GLB1: variants seen among roughly 807,000 people sequenced by gnomAD.
GLB1 encodes galactosidase beta 1.
In GLB1, 56 loss-of-function variants were observed where a neutral mutation model predicts 74.0. That is an observed-to-expected ratio of 0.76 (90% confidence interval 0.61 to 0.94). GLB1 has a LOEUF of 0.94. Ranked by LOEUF, GLB1 falls within the 40% of genes least tolerant of loss-of-function variation. The pLI is 0.00. For missense variants in GLB1, 787 were observed against 845.5 expected (o/e 0.93, Z 0.86); for synonymous variants, 323 against 323.6 (o/e 1.00, Z 0.02).
rs557296509 is a variant in GLB1 at position 33,080,603 on chromosome 3, G to C, written c.76-7890C>G. On this transcript the variant is annotated intron_variant, in intron 1 of 15. Coordinates refer to ENST00000307363, the MANE Select transcript of GLB1 (RefSeq NM_000404.4). The stretch of plus-strand genomic sequence containing the variant: ...TCAGCCAATGAGGGACAAAGAGGGT[G>C]GAGAACTGCATTCTCTTGTTTTTTA... Among the ~76,000 whole-genome samples, 10 of 152,326 alleles carry C rather than the reference G, an allele frequency of 6.6e-5. No individual in the cohort carries two copies. In the South Asian group the frequency reaches 2.1e-3, roughly 32 times the overall value.
chr3:32,983,323 A>T, the GLB1 span, among the ~76,000 whole-genome samples: 5 of 152,044 alleles, frequency 3.3e-5, no homozygotes, highest in Non-Finnish European at 5.9e-5. Flanking sequence ...TACATTCTAT[A>T]TCATTTCTTC....
chr3:32,964,166 C>A, the GLB1 span, among the ~76,000 whole-genome samples: 1 of 152,148 alleles, frequency 6.6e-6, no homozygotes, highest in Non-Finnish European at 1.5e-5. Flanking sequence ...GGCGAGCAGG[C>A]AGGAAAAAGA....
the GLB1 span, among the ~76,000 whole-genome samples, chr3:32,961,654 C>T: frequency 6.6e-6 from 1 of 152,180 alleles, no homozygotes; most frequent in Admixed American, 6.5e-5. Context: ...GCACATTAAA[C>T]AATGCAAAGA....
chr3:33,072,862 C>G, intron 1 of GLB1, 149 bp from the exon 2 acceptor site: 4 of 1,342,910 alleles, frequency 3.0e-6, no homozygotes, highest in East Asian at 5.1e-5. Context: ...ATCATACAAA[C>G]CATTGCTAAG....
At chr3:33,003,572 A>C (rs193274089) in intron 15 of GLB1, among the ~76,000 whole-genome samples, 8 of 152,378 alleles carry the variant, frequency 5.3e-5, no homozygotes, top group Admixed American at 2.6e-4. Flanking sequence ...ACAGTGAATT[A>C]GACGGAAATA....
At chr3:33,053,647 A>G in intron 6 of GLB1, 98 bp from the exon 7 acceptor site, 1 of 1,513,998 alleles carries the variant, frequency 6.6e-7, no homozygotes. Context: ...AAGCCCTGCT[A>G]CGGTCAGAAT....
intron 12 of GLB1, 128 bp downstream of exon 12, chr3:33,021,437 AT>A (rs1175979397): frequency 8.0e-6 from 8 of 993,976 alleles, no homozygotes; most frequent in Non-Finnish European, 1.1e-5. Context: ...TTCATGGTTC[AT>A]TTACCTGGGA....
chr3:33,075,547 C>G (rs906280395), intron 1 of GLB1, among the ~76,000 whole-genome samples: 2 of 152,184 alleles, frequency 1.3e-5, no homozygotes, highest in Non-Finnish European at 1.5e-5. Flanking sequence ...CAGATGTGGC[C>G]ACAACCCATA....
At chr3:33,087,845 T>C (rs1184661847) in intron 1 of GLB1, among the ~76,000 whole-genome samples, 6 of 149,124 alleles carry the variant, frequency 4.0e-5, no homozygotes, top group African/African-American at 2.5e-5. Flanking sequence ...TGAATATTGA[T>C]GCAAAAATCC....
Position 33,097,078 on chromosome 3 carries a change from C to T in GLB1, c.8G>A (p.Gly3Glu). The T allele has an allele frequency of 6.2e-7, 1 of 1,612,572 alleles. No individual in the cohort carries two copies. Among genetic ancestry groups the T allele is most frequent in the Non-Finnish European group, 8.5e-7 (1 of 1,179,068 alleles). ...CAGAGGGAGGATGCGAACCAGGAAC[C>T]CCGGCATGACCACCAGCCTCCCGGC... MP[G>E]FLVRILPLLL... Residue 3 changes from glycine (G) to glutamate (E), a missense_variant, in exon 1 of 16, where the codon GGG (glycine) becomes GAG (glutamate). By Grantham distance (98) the Gly-to-Glu change is moderately conservative. Transcript: ENST00000307363.
At chr3:33,005,823 A>G (rs1696767241) in intron 15 of GLB1, among the ~76,000 whole-genome samples, 1 of 152,154 alleles carries the variant, frequency 6.6e-6, no homozygotes. Flanking sequence ...GATGCAACAA[A>G]CAGTTAAAAG....
At position 33,088,368 on chromosome 3, in the gene GLB1, TACACACACACACACACAC is replaced by T. The variant is rs55949952; in HGVS notation, c.75+8625_75+8642del. ...CTTAGATGTAGGAAACCCTAAAGACTACACACACACACACACACACACACACACACACACACACACACA... is the reference window on the plus strand; with the variant it reads ...CTTAGATGTAGGAAACCCTAAAGACTACACACACACACACACACACACACA... On this transcript the variant is annotated intron_variant, in intron 1 of 15. Transcript: ENST00000307363. 2.7e-3 allele frequency among the ~76,000 whole-genome samples: 378 copies of T among 141,824 alleles called. 2 individuals are homozygous for T. The highest frequency in any genetic ancestry group is 8.9e-3 in the African/African-American group (339 of 38,000). 93.0% of individuals were successfully genotyped at this position (141,824 alleles called of 152,430 possible).
intron 6 of GLB1, among the ~76,000 whole-genome samples, chr3:33,055,768 GTT>G (rs200229955): frequency 2.1e-5 from 3 of 143,140 alleles, no homozygotes; most frequent in Non-Finnish European, 4.6e-5. Flanking sequence ...CGCTGGGCCC[GTT>G]TTTTTTTTTT....
At chr3:33,081,371 G>C (rs571339839) in intron 1 of GLB1, among the ~76,000 whole-genome samples, 1 of 152,324 alleles carries the variant, frequency 6.6e-6, no homozygotes, top group East Asian at 1.9e-4. Context: ...TCCCTATGCT[G>C]TTGGGAGGAT....
the GLB1 span, among the ~76,000 whole-genome samples, chr3:32,978,411 T>C: frequency 6.6e-6 from 1 of 152,290 alleles, no homozygotes; most frequent in East Asian, 1.9e-4. Context: ...AAATTTCCTG[T>C]TTCAATTGTT....
At chr3:32,986,112 C>T in the GLB1 span, among the ~76,000 whole-genome samples, 2,782 of 152,336 alleles carry the variant, frequency 0.018, 332 homozygotes, top group East Asian at 0.34. Flanking sequence ...TTTCCATGTT[C>T]CCTTTTGCCT....
intron 15 of GLB1, among the ~76,000 whole-genome samples, chr3:33,007,937 G>A (rs1038551849): frequency 6.6e-5 from 10 of 152,186 alleles, no homozygotes. Flanking sequence ...GAGCACTTCT[G>A]TACCTCGTAC....
rs55970801 is a variant in GLB1, at chr3:33,018,738, G to A, written c.1234-177C>T. 0.069 allele frequency among the ~76,000 whole-genome samples: 10,507 copies of A among 152,074 alleles called. 534 individuals carry two copies. The highest frequency in any genetic ancestry group is 0.25 in the East Asian group (1,271 of 5,184). ...AAACTGGTTTAATTTTTAGGTCATC[G>A]AATATCTATCATAATAGTAAACTGC... On this transcript the variant is annotated intron_variant, in intron 12 of 15. Transcript: ENST00000307363.
At position 33,045,670 on chromosome 3, in the gene GLB1, C is replaced by T. The variant is rs893758478; in HGVS notation, c.1068+450G>A. 8 of 1,015,658 alleles carry T rather than the reference C, an allele frequency of 7.9e-6. No individual in the cohort carries two copies. The East Asian group carries it at 6.8e-4, about 87-fold the overall frequency. 62.9% of individuals were successfully genotyped at this position (1,015,658 alleles called of 1,614,324 possible). On this transcript the variant is annotated intron_variant, in intron 10 of 15. Transcript: ENST00000307363. ...ATATTGAAGTACATTAGCTGTGTCTCAAGGATAGGGGCTCCCATATATCCA... is the reference window on the plus strand; with the variant it reads ...ATATTGAAGTACATTAGCTGTGTCTTAAGGATAGGGGCTCCCATATATCCA...
Sources: gnomAD v4.1 joint callset for allele counts (sites outside exome capture counted in the v4.1 genomes callset) on GRCh38, gnomAD v4.1.1 for gene constraint, MANE v1.5 for transcripts, NCBI Gene and HGNC (gene_info 2026-07-23, HGNC 2026-07-21) for gene names.